The following CSMD1 variants were observed in gnomAD, a reference collection of about 807,000 sequenced individuals.
CSMD1 encodes the protein CUB and sushi domain-containing protein 1.
CSMD1 carries 213 observed loss-of-function variants against 417.5 expected under a neutral mutation model. The observed-to-expected ratio is 0.51, with a 90% CI of 0.46 to 0.57. CSMD1 has a LOEUF of 0.57. Among genes scored for constraint, CSMD1 ranks in the 20% least tolerant of loss-of-function variants. The probability of loss-of-function intolerance (pLI) is 0.00; values close to 1 mark genes in which losing one functional copy is unlikely to be tolerated. For missense variants in CSMD1, 6,923 were observed against 4,529.7 expected (o/e 1.53, Z -15.17); for synonymous variants, 2,862 against 1,736.8 (o/e 1.65, Z -16.11).
chr8:3,363,603 C>T (rs1333308251), intron 20 of CSMD1, among the ~76,000 whole-genome samples: 2 of 152,146 alleles, frequency 1.3e-5, no homozygotes, highest in African/African-American at 4.8e-5. Context: ...TCTCCGCTCA[C>T]TGCAAGCTCC....
rs537921100 is a variant in CSMD1 at position 4,850,591 on chromosome 8, T to A, written c.85+143741A>T. Among the ~76,000 whole-genome samples the A allele has an allele frequency of 2.6e-5, 4 of 152,146 alleles. No individual in the cohort carries two copies. The South Asian group carries it at 8.3e-4, about 32-fold the overall frequency. The stretch of plus-strand genomic sequence containing the variant: ...ACTTCAGCGAAGTAGAAATCCTTCA[T>A]CCTCTCTTCCTCATCACTTAGTCTC... On this transcript the variant is annotated intron_variant, in intron 1 of 69. Transcript: ENST00000635120.
intron 23 of CSMD1, among the ~76,000 whole-genome samples, chr8:3,317,344 G>A (rs1383883742): frequency 6.6e-6 from 1 of 152,152 alleles, no homozygotes; most frequent in Non-Finnish European, 1.5e-5. Context: ...AGTTTCACAG[G>A]GAAATTAGAC....
intron 2 of CSMD1, among the ~76,000 whole-genome samples, chr8:4,529,701 A>T (rs1796692298): frequency 6.6e-6 from 1 of 152,018 alleles, no homozygotes; most frequent in African/African-American, 2.4e-5. Context: ...AATTCATAGA[A>T]TATGTGGCAA....
At chr8:3,368,227 A>G (rs1809727082) in intron 19 of CSMD1, among the ~76,000 whole-genome samples, 2 of 152,232 alleles carry the variant, frequency 1.3e-5, no homozygotes. Context: ...GCATAGTGCC[A>G]CACAGTACAC....
At chr8:3,950,830 T>C (rs1299701032) in intron 5 of CSMD1, among the ~76,000 whole-genome samples, 2 of 151,998 alleles carry the variant, frequency 1.3e-5, no homozygotes, top group Admixed American at 6.6e-5. Flanking sequence ...ATTAAAATAC[T>C]GTGCTAAGTA....
chr8:3,527,688 G>C (rs1468375393), intron 10 of CSMD1, among the ~76,000 whole-genome samples: 1 of 152,084 alleles, frequency 6.6e-6, no homozygotes, highest in African/African-American at 2.4e-5. Context: ...CTCTGCTTTT[G>C]GCTTAGAGCA....
At chr8:2,974,668 A>G in intron 55 of CSMD1, 44 bp from the exon 56 acceptor site, 2 of 1,450,030 alleles carry the variant, frequency 1.4e-6, no homozygotes, top group Non-Finnish European at 1.8e-6. Flanking sequence ...CTTCCAGTTA[A>G]ACCACTTTGT....
chr8:4,192,239 A>C (rs1799073908), intron 3 of CSMD1, among the ~76,000 whole-genome samples: 1 of 152,198 alleles, frequency 6.6e-6, no homozygotes, highest in African/African-American at 2.4e-5. Context: ...AACAAAATAT[A>C]GTTCGTTAGG....
chr8:3,463,082 T>A lies in CSMD1; in HGVS notation c.1561+5630A>T, dbSNP rs145890677. 1.9e-3 allele frequency among the ~76,000 whole-genome samples: 282 copies of A among 152,318 alleles called. 2 individuals are homozygous for A. The highest frequency in any genetic ancestry group is 6.4e-3 in the African/African-American group (264 of 41,570). ...TCTGCCACTGCCTTGATCGTGGACT[T>A]CCCAGAACTGTGAGAGATACAATTC... On this transcript the variant is annotated intron_variant, in intron 12 of 69. Coordinates refer to ENST00000635120, the MANE Select transcript of CSMD1 (RefSeq NM_033225.6).
chr8:4,681,806 G>A (rs1387476646), intron 1 of CSMD1, among the ~76,000 whole-genome samples: 1 of 152,112 alleles, frequency 6.6e-6, no homozygotes, highest in Non-Finnish European at 1.5e-5. Flanking sequence ...ATAATTTTAA[G>A]AAAGTCATAA....
chr8:4,093,214 G>C (rs1428927274), intron 3 of CSMD1, among the ~76,000 whole-genome samples: 2 of 152,028 alleles, frequency 1.3e-5, no homozygotes, highest in Admixed American at 1.3e-4. Flanking sequence ...TGTAAATAAA[G>C]TATAATTTAC....
intron 30 of CSMD1, among the ~76,000 whole-genome samples, chr8:3,213,596 G>A (rs993144844): frequency 6.6e-6 from 1 of 151,742 alleles, no homozygotes; most frequent in Non-Finnish European, 1.5e-5. Context: ...CTGTTTTGGG[G>A]GGAAATGACA....
chr8:4,706,187 A>G (rs1011688502), intron 1 of CSMD1, among the ~76,000 whole-genome samples: 4 of 151,454 alleles, frequency 2.6e-5, no homozygotes. Context: ...TTTTTTCAAT[A>G]TATTTTTTCC....
chr8:4,264,180 T>TGTG (rs547900139), intron 3 of CSMD1, among the ~76,000 whole-genome samples: 273 of 152,320 alleles, frequency 1.8e-3, no homozygotes, highest in African/African-American at 6.4e-3. Flanking sequence ...GAAGCTGTTA[T>TGTG]GTGGTGATGA....
chr8:4,058,884 G>A (rs960898869), intron 3 of CSMD1, among the ~76,000 whole-genome samples: 6 of 147,624 alleles, frequency 4.1e-5, no homozygotes, highest in East Asian at 1.9e-4. Context: ...ACAGATCAAC[G>A]AGAGAGAAAG....
At chr8:4,040,126 T>C (rs1797811498) in intron 3 of CSMD1, among the ~76,000 whole-genome samples, 4 of 152,158 alleles carry the variant, frequency 2.6e-5, no homozygotes, top group African/African-American at 9.7e-5. Context: ...GAAACAATAT[T>C]TTTAAAGGGT....
At chr8:3,458,350 G>A (rs1816288558) in intron 12 of CSMD1, among the ~76,000 whole-genome samples, 1 of 152,088 alleles carries the variant, frequency 6.6e-6, no homozygotes, top group Admixed American at 6.5e-5. Context: ...TTATTAAGAG[G>A]AATCTGTGCT....
Position 4,394,064 on chromosome 8 carries a change from A to T in CSMD1, c.415+25889T>A, listed in dbSNP as rs188508907. 1.8e-3 allele frequency among the ~76,000 whole-genome samples: 270 copies of T among 152,250 alleles called. 1 individual carries two copies. The highest frequency in any genetic ancestry group is 6.0e-3 in the African/African-American group (248 of 41,556). On this transcript the variant is annotated intron_variant, in intron 3 of 69. Transcript: ENST00000635120. ...AAGGGCTAATACTTCTCAGTTACTCATATCTGAAACAAACTCCTCAATCCT... is the reference window on the plus strand; with the variant it reads ...AAGGGCTAATACTTCTCAGTTACTCTTATCTGAAACAAACTCCTCAATCCT...
At chr8:3,197,529 G>C (rs148356126) in intron 33 of CSMD1, among the ~76,000 whole-genome samples, 30,788 of 141,292 alleles carry the variant, frequency 0.22, 3,266 homozygotes, top group Middle Eastern at 0.26. Context: ...GCAGTGGCGC[G>C]ATCTCCACTC....
Sources: allele counts gnomAD v4.1 joint callset (sites outside exome capture counted in the v4.1 genomes callset), GRCh38; gene constraint gnomAD v4.1.1; transcripts MANE v1.5; gene names NCBI Gene and HGNC (gene_info 2026-07-23, HGNC 2026-07-21).